The following MACF1 variants were observed in gnomAD, a reference collection of about 807,000 sequenced individuals.
The protein encoded by MACF1 is microtubule actin crosslinking factor 1, also known as microtubule-actin cross-linking factor 1.
A neutral mutation model predicts 854.8 loss-of-function variants in MACF1; 193 were observed. The ratio of observed to expected loss-of-function variants is 0.23; its 90% CI spans 0.20 to 0.25. The LOEUF is 0.25. Among genes scored for constraint, MACF1 ranks in the 10% least tolerant of loss-of-function variants. The pLI, the probability that MACF1 is intolerant of heterozygous loss-of-function variation, is 1.00. For synonymous variants in MACF1, 3,185 were observed against 3,226.7 expected (o/e 0.99, Z 0.44); for missense variants, 7,722 against 8,929.1 (o/e 0.86, Z 5.45).
rs1643925904 is a variant in MACF1, at chr1:39,434,336, GTATA to G, written c.17566-73_17566-70del. On this transcript the variant is annotated intron_variant, in intron 68 of 100. Transcript: ENST00000564288. Reference sequence around the variant, plus strand: ...TATGTATTCTTTTAGACTTTTTAATGTATATATACCTACTTTTTTTCTTAAGAGT... The same window carrying G: ...TATGTATTCTTTTAGACTTTTTAATGTATACCTACTTTTTTTCTTAAGAGT... 3 of 673,714 alleles carry G rather than the reference GTATA, an allele frequency of 4.5e-6. No homozygotes were observed. In the African/African-American group the frequency reaches 5.6e-5, roughly 13 times the overall value. 41.7% of individuals were successfully genotyped at this position (673,714 alleles called of 1,614,324 possible).
intron 2 of MACF1, among the ~76,000 whole-genome samples, chr1:39,104,818 T>C (rs1309531655): frequency 6.6e-6 from 1 of 152,230 alleles, no homozygotes; most frequent in African/African-American, 2.4e-5. Context: ...GGCCCTACAC[T>C]GCAGCCCTGT....
chr1:39,210,728 G>A (rs1197792409), intron 1 of MACF1, among the ~76,000 whole-genome samples: 1 of 152,114 alleles, frequency 6.6e-6, no homozygotes, highest in East Asian at 1.9e-4. Flanking sequence ...CATCTGGCCT[G>A]TTCTTGGAAG....
chr1:39,342,992 C>A (rs1646969265), intron 40 of MACF1, among the ~76,000 whole-genome samples: 1 of 152,134 alleles, frequency 6.6e-6, no homozygotes, highest in African/African-American at 2.4e-5. Flanking sequence ...AAACACGTGA[C>A]AGACCAGATT....
At chr1:39,258,539 G>T (rs1351389008) in intron 6 of MACF1, among the ~76,000 whole-genome samples, 1 of 152,230 alleles carries the variant, frequency 6.6e-6, no homozygotes, top group Non-Finnish European at 1.5e-5. Context: ...TCACACCCAA[G>T]AGCATCTTGA....
chr1:39,098,035 T>TATA (rs1223925593), intron 2 of MACF1, among the ~76,000 whole-genome samples: 1 of 150,716 alleles, frequency 6.6e-6, no homozygotes, highest in African/African-American at 2.4e-5. Flanking sequence ...CCCCAAAGAG[T>TATA]ATAGACTGCC....
intron 20 of MACF1, among the ~76,000 whole-genome samples, chr1:39,296,772 A>ACGG (rs1645914618): frequency 1.7e-5 from 1 of 58,180 alleles, no homozygotes. Flanking sequence ...GGAAGGAAGG[A>ACGG]AAAGAAAGAA....
In MACF1 at chr1:39,412,000, C is replaced by T. The variant is rs746307962; in HGVS notation, c.15817-10374C>T. 4 of 1,613,872 alleles carry T rather than the reference C, an allele frequency of 2.5e-6. No homozygotes were observed. The South Asian group carries it at 4.4e-5, about 18-fold the overall frequency. On this transcript the variant is annotated intron_variant, in intron 58 of 100. Coordinates refer to ENST00000564288, the MANE Select transcript of MACF1 (RefSeq NM_001394062.1). ...GGAATGTGAAAAAGTGCCTTTTAGC[C>T]CCAGGACTGCAGAATTTAAGTCCAG...
At chr1:39,479,716 A>C (rs1377725657) in intron 97 of MACF1, 82 bp from the exon 98 acceptor site, 1 of 1,203,870 alleles carries the variant, frequency 8.3e-7, no homozygotes, top group Non-Finnish European at 1.2e-6. Context: ...AACTGTTATC[A>C]TGGGGTCAAG....
intron 6 of MACF1, among the ~76,000 whole-genome samples, chr1:39,262,397 C>CAAAAAAAAAAAAAAAAA (rs56376033): frequency 1.5e-5 from 1 of 68,804 alleles, no homozygotes; most frequent in Non-Finnish European, 2.5e-5. Flanking sequence ...GACTCCATCA[C>CAAAAAAAAAAAAAAAAA]AAAAAAAAAA....
At chr1:39,393,827 C>CAG (rs1372518144) in intron 58 of MACF1, among the ~76,000 whole-genome samples, 4 of 116,602 alleles carry the variant, frequency 3.4e-5, no homozygotes, top group African/African-American at 6.8e-5. Context: ...GAAAGAAAGA[C>CAG]AGAGAGAGAG....
chr1:39,283,638 T>G lies in MACF1; in HGVS notation c.915+123T>G, dbSNP rs1645593880. The G allele has an allele frequency of 5.8e-6, 4 of 692,912 alleles. No homozygotes were observed. In the Admixed American group the frequency reaches 1.0e-4, roughly 18 times the overall value. The allele number at this position is 692,912 out of a possible 1,614,324, so 42.9% of individuals were successfully genotyped here. On this transcript the variant is annotated intron_variant, in intron 9 of 100. Transcript: ENST00000564288. The surrounding 1 kb of genome is among the most constrained non-coding windows in gnomAD (Gnocchi z 4.5). ...GTATCAAACTATATATCCAGTATCTTTATCATACATGGACATTATCCTTGG... is the reference window on the plus strand; with the variant it reads ...GTATCAAACTATATATCCAGTATCTGTATCATACATGGACATTATCCTTGG...
chr1:39,254,370 C>T lies in MACF1; in HGVS notation c.430C>T (p.Arg144Ter). The T allele has an allele frequency of 6.2e-7, 1 of 1,613,964 alleles. No individual in the cohort carries two copies. ...GATTGCCCTGGACTTCCTAAAGCAG[C>T]GACAGGTAAGACCATCACATGCCTT... ...VQIALDFLKQRQVKLVNIRND... is the reference protein window; with the variant it reads ...VQIALDFLKQ Residue 144 changes from arginine to a stop codon, truncating the protein, a stop_gained, in exon 5 of 101, where the codon CGA becomes TGA. Coordinates refer to ENST00000564288, the MANE Select transcript of MACF1 (RefSeq NM_001394062.1). LOFTEE classifies it high-confidence loss of function.
At chr1:39,207,132 G>A (rs1173496226) in intron 1 of MACF1, among the ~76,000 whole-genome samples, 1 of 152,002 alleles carries the variant, frequency 6.6e-6, no homozygotes, top group South Asian at 2.1e-4. Context: ...AGTGAAGTGG[G>A]TAATTAATTC....
rs660019 is a variant in MACF1 at position 39,409,030 on chromosome 1, G to A, written c.15817-13344G>A. Among the ~76,000 whole-genome samples, 1 of 151,558 alleles carries A rather than the reference G, an allele frequency of 6.6e-6. No homozygotes were observed. Among genetic ancestry groups the A allele is most frequent in the African/African-American group, 2.4e-5 (1 of 41,222 alleles). On this transcript the variant is annotated intron_variant, in intron 58 of 100. Coordinates refer to ENST00000564288, the MANE Select transcript of MACF1 (RefSeq NM_001394062.1). The surrounding 1 kb of genome is among the most constrained non-coding windows in gnomAD (Gnocchi z 4.2). ...GGGGCTGCCCGGGCGGGGCGGCGCAGCGCGGCGGCGCGGGGAAGGGGGAGG... is the reference window on the plus strand; with the variant it reads ...GGGGCTGCCCGGGCGGGGCGGCGCAACGCGGCGGCGCGGGGAAGGGGGAGG...
intron 58 of MACF1, among the ~76,000 whole-genome samples, chr1:39,404,574 T>C (rs897607909): frequency 2.6e-5 from 4 of 152,176 alleles, no homozygotes; most frequent in Non-Finnish European, 4.4e-5. Flanking sequence ...CATTGTAACC[T>C]TGAACTCCTG....
chr1:39,331,471 G>C lies in MACF1; in HGVS notation c.4883G>C (p.Ser1628Thr), dbSNP rs149308731. 125 of 1,614,172 alleles carry C rather than the reference G, an allele frequency of 7.7e-5. No homozygotes were observed. In the African/African-American group the frequency reaches 1.3e-3, roughly 17 times the overall value. The change falls in exon 37 of 101, where the codon AGC becomes ACC. Residue 1628 changes from serine (S) to threonine (T), a missense_variant. Ser to Thr is a moderately conservative substitution (Grantham distance 58). Around this residue, in one of 15 missense-constraint regions of MACF1, gnomAD observed 1,531 missense variants for 1,601.6 expected, o/e 0.96. Transcript: ENST00000564288. ...GCCTTAATAAGCAGGCTTACTGAGA[G>C]CAGAGGCCCTCTTTCTGTGGTGGAA... ...ALALISRLTE[S>T]RGPLSVVEAI...
Position 39,385,528 on chromosome 1 carries a change from T to C in MACF1, c.13943T>C (p.Leu4648Pro). The C allele has an allele frequency of 1.9e-6, 3 of 1,614,206 alleles. No individual in the cohort carries two copies. The highest frequency in any genetic ancestry group is 2.5e-6 in the Non-Finnish European group (3 of 1,180,034). The change falls in exon 57 of 101, where the codon CTG becomes CCG. Residue 4648 changes from leucine to proline, a missense_variant. By Grantham distance (98) the Leu-to-Pro change is moderately conservative (BLOSUM62 -3). Around this residue, in one of 15 missense-constraint regions of MACF1, gnomAD observed 2,807 missense variants for 3,235.8 expected, o/e 0.87. Transcript: ENST00000564288. ...CTAACAGGCCCTGGAGATGTCTCTC[T>C]GTCCACCAGCCAAGTACAGAAAGAA... ...GILTGPGDVS[L>P]STSQVQKELQ... is the part of the protein sequence containing the mutation.
At chr1:39,404,365 G>C (rs1002134699) in intron 58 of MACF1, among the ~76,000 whole-genome samples, 2 of 151,806 alleles carry the variant, frequency 1.3e-5, no homozygotes, top group African/African-American at 4.8e-5. Flanking sequence ...CAGCTACTTG[G>C]GAGGCTGAGG....
At chr1:39,254,997 A>G (rs1645081559) in intron 5 of MACF1, among the ~76,000 whole-genome samples, 1 of 152,008 alleles carries the variant, frequency 6.6e-6, no homozygotes, top group Admixed American at 6.5e-5. Flanking sequence ...GAGGAGGAGT[A>G]TTGGTAGTCA....
Sources: allele counts gnomAD v4.1 joint callset (sites outside exome capture counted in the v4.1 genomes callset), GRCh38; gene constraint gnomAD v4.1.1; regional missense constraint gnomAD v4.1.1; non-coding constraint Gnocchi (gnomAD v3.1); transcripts MANE v1.5; gene names NCBI Gene and HGNC (gene_info 2026-07-23, HGNC 2026-07-21).